RALYL: variants seen among roughly 807,000 people sequenced by gnomAD.
RALYL encodes the protein RNA-binding Raly-like protein.
RALYL carries 29 observed loss-of-function variants against 35.1 expected under a neutral mutation model. The observed-to-expected ratio is 0.83, with a 90% CI of 0.61 to 1.13. The LOEUF (loss-of-function observed/expected upper bound fraction) is 1.13, where lower values mean the gene tolerates loss of function less well. Ranked by LOEUF, RALYL falls within the 50% of genes most tolerant of loss-of-function variation. The pLI, the probability that RALYL is intolerant of heterozygous loss-of-function variation, is 0.00. For missense variants in RALYL, 359 were observed against 360.4 expected (o/e 1.00, Z 0.03); for synonymous variants, 120 against 127.6 (o/e 0.94, Z 0.40).
chr8:84,813,984 G>C (rs1001618823), intron 4 of RALYL, among the ~76,000 whole-genome samples: 2 of 147,276 alleles, frequency 1.4e-5, no homozygotes, highest in Non-Finnish European at 3.0e-5. Flanking sequence ...CCACCTATGA[G>C]TGAGAACATG....
At chr8:84,807,569 T>G (rs1204003061) in intron 4 of RALYL, among the ~76,000 whole-genome samples, 1 of 152,234 alleles carries the variant, frequency 6.6e-6, no homozygotes, top group East Asian at 1.9e-4. Context: ...GTTCTACTAT[T>G]AGTTCTTTAA....
chr8:84,741,847 T>C (rs1807421403), intron 2 of RALYL, among the ~76,000 whole-genome samples: 1 of 152,034 alleles, frequency 6.6e-6, no homozygotes, highest in Non-Finnish European at 1.5e-5. Context: ...CAATATTCCA[T>C]ACTGCATACT....
intron 8 of RALYL, among the ~76,000 whole-genome samples, chr8:84,916,338 G>T (rs1227846133): frequency 6.6e-6 from 1 of 151,632 alleles, no homozygotes; most frequent in Non-Finnish European, 1.5e-5. Flanking sequence ...GAAAAAGAGG[G>T]TTCTTTTTTT....
intron 1 of RALYL, among the ~76,000 whole-genome samples, chr8:84,526,159 T>A (rs1436996009): frequency 1.3e-5 from 2 of 152,030 alleles, no homozygotes; most frequent in Non-Finnish European, 2.9e-5. Context: ...TTCACCATGT[T>A]GGCCAGGCTA....
intron 1 of RALYL, among the ~76,000 whole-genome samples, chr8:84,495,077 A>G (rs4740017): frequency 0.37 from 55,928 of 151,894 alleles, 10,412 homozygotes; most frequent in South Asian, 0.51. Flanking sequence ...TTCCATCCAT[A>G]CCTAGTTTCT....
At chr8:84,378,695 A>T (rs2131571380) in intron 1 of RALYL, among the ~76,000 whole-genome samples, 1 of 151,956 alleles carries the variant, frequency 6.6e-6, no homozygotes, top group African/African-American at 2.4e-5. Flanking sequence ...CGCGAGATCT[A>T]GCTGATATGC....
chr8:84,874,610 C>G (rs1840795582), intron 7 of RALYL, among the ~76,000 whole-genome samples: 1 of 152,158 alleles, frequency 6.6e-6, no homozygotes. Context: ...ACTCATATCA[C>G]TGGGGTGAGG....
intron 1 of RALYL, among the ~76,000 whole-genome samples, chr8:84,232,183 T>G (rs889442232): frequency 6.6e-6 from 1 of 152,034 alleles, no homozygotes; most frequent in African/African-American, 2.4e-5. Context: ...TGACTTAGAA[T>G]GTGGGGGGAT....
chr8:84,568,973 A>C (rs1430207841), intron 2 of RALYL, among the ~76,000 whole-genome samples: 7 of 149,382 alleles, frequency 4.7e-5, no homozygotes, highest in Non-Finnish European at 9.0e-5. Context: ...GTAGGTTGCG[A>C]AAATTTTCTC....
chr8:84,481,687 G>A (rs1325061849), intron 1 of RALYL, among the ~76,000 whole-genome samples: 1 of 152,026 alleles, frequency 6.6e-6, no homozygotes, highest in Non-Finnish European at 1.5e-5. Flanking sequence ...AAATACTACA[G>A]GCATTATGCA....
chr8:84,276,954 T>C (rs1038946751), intron 1 of RALYL, among the ~76,000 whole-genome samples: 1 of 152,216 alleles, frequency 6.6e-6, no homozygotes, highest in Non-Finnish European at 1.5e-5. Context: ...AATAAACAGA[T>C]AATTTTTTCC....
At chr8:84,851,189 C>T (rs764018781) in intron 5 of RALYL, among the ~76,000 whole-genome samples, 1 of 152,046 alleles carries the variant, frequency 6.6e-6, no homozygotes, top group Non-Finnish European at 1.5e-5. Context: ...AATTAATGAT[C>T]TGAAACAAGT....
chr8:84,738,568 A>T (rs1046234538), intron 2 of RALYL, among the ~76,000 whole-genome samples: 1 of 152,028 alleles, frequency 6.6e-6, no homozygotes, highest in Admixed American at 6.6e-5. Context: ...CTATATGGGA[A>T]AATAAGTTGG....
intron 1 of RALYL, among the ~76,000 whole-genome samples, chr8:84,354,108 G>A (rs748398025): frequency 2.0e-4 from 29 of 147,966 alleles, no homozygotes; most frequent in Non-Finnish European, 4.2e-4. Flanking sequence ...AGTGTATTGT[G>A]GCTACTGAAG....
At chr8:84,573,124 A>G (rs985787472) in intron 2 of RALYL, among the ~76,000 whole-genome samples, 5 of 151,134 alleles carry the variant, frequency 3.3e-5, no homozygotes, top group Non-Finnish European at 3.0e-5. Context: ...CACAATATAT[A>G]TTTTTTTACT....
In RALYL at chr8:84,626,787, A is replaced by G. The variant is rs1822823554; in HGVS notation, c.256+97210A>G. Among the ~76,000 whole-genome samples the G allele has an allele frequency of 2.6e-5, 4 of 152,292 alleles. No homozygotes were observed. The South Asian group carries it at 8.3e-4, about 32-fold the overall frequency. On this transcript the variant is annotated intron_variant, in intron 2 of 8. Coordinates refer to ENST00000521268, the MANE Select transcript of RALYL (RefSeq NM_173848.7). ...CAAGTATATTGTCAAGCTGCATTCTATTTTGTGTATGATCCTGCCAAGTTT... is the reference window on the plus strand; with the variant it reads ...CAAGTATATTGTCAAGCTGCATTCTGTTTTGTGTATGATCCTGCCAAGTTT...
intron 2 of RALYL, among the ~76,000 whole-genome samples, chr8:84,742,436 G>T (rs1807594622): frequency 6.6e-6 from 1 of 151,938 alleles, no homozygotes; most frequent in Non-Finnish European, 1.5e-5. Flanking sequence ...AATCATGGAA[G>T]TTAGTTGGAC....
In RALYL at chr8:84,311,090, A is replaced by AAAAATATAT. The variant is rs1554614840; in HGVS notation, c.-24+126667_-24+126668insAAATATATA. The stretch of plus-strand genomic sequence containing the variant: ...AAAAAAAAAAAAAAAAAAAAAAAAA[A>AAAAATATAT]ATGTATATTAATGTATAGTATAAAT... On this transcript the variant is annotated intron_variant, in intron 1 of 8. Transcript: ENST00000521268. Among the ~76,000 whole-genome samples, 7 of 99,770 alleles carry AAAAATATAT rather than the reference A, an allele frequency of 7.0e-5. No homozygotes were observed. The East Asian group carries it at 1.1e-3, about 15-fold the overall frequency. 65.5% of individuals were successfully genotyped at this position (99,770 alleles called of 152,430 possible). A position where few individuals can be genotyped will look rare whatever the true frequency, so the allele number is the denominator to read the frequency against.
chr8:84,506,372 A>G (rs1255404469), intron 1 of RALYL, among the ~76,000 whole-genome samples: 2 of 96,618 alleles, frequency 2.1e-5, no homozygotes, highest in African/African-American at 8.4e-5. Context: ...TATGATATCA[A>G]TATTCTGTGA....
Sources: gnomAD v4.1 joint callset for allele counts (sites outside exome capture counted in the v4.1 genomes callset) on GRCh38, gnomAD v4.1.1 for gene constraint, MANE v1.5 for transcripts, NCBI Gene and HGNC (gene_info 2026-07-23, HGNC 2026-07-21) for gene names.